The following CAMK4 variants were observed in gnomAD, a reference collection of about 807,000 sequenced individuals.
The protein encoded by CAMK4 is calcium/calmodulin-dependent protein kinase type IV.
CAMK4 carries 22 observed loss-of-function variants against 44.9 expected under a neutral mutation model. That is an observed-to-expected ratio of 0.49 (90% CI 0.35 to 0.70). The LOEUF (loss-of-function observed/expected upper bound fraction) is 0.70, where lower values mean the gene tolerates loss of function less well. CAMK4 is among the 30% of genes least tolerant of loss of function. CAMK4 has a pLI of 0.01. For missense variants in CAMK4, 498 were observed against 586.8 expected (o/e 0.85, Z 1.56); for synonymous variants, 218 against 215.4 (o/e 1.01, Z -0.11).
intron 7 of CAMK4, among the ~76,000 whole-genome samples, chr5:111,467,149 A>G (rs928135744): frequency 6.6e-6 from 1 of 152,174 alleles, no homozygotes; most frequent in African/African-American, 2.4e-5. Flanking sequence ...TATGAATGAA[A>G]CTGGATCCTC....
At chr5:111,476,270 TTTGTGTGTGTG>T (rs1755238230) in intron 8 of CAMK4, among the ~76,000 whole-genome samples, 1 of 135,576 alleles carries the variant, frequency 7.4e-6, no homozygotes, top group Non-Finnish European at 1.6e-5. Context: ...TGTGTGTGTG[TTTGTGTGTGTG>T]TGTGTGTGTG....
At chr5:111,293,187 A>G (rs1747344152) in intron 1 of CAMK4, among the ~76,000 whole-genome samples, 1 of 152,188 alleles carries the variant, frequency 6.6e-6, no homozygotes, top group African/African-American at 2.4e-5. Context: ...ATTCCCTGCT[A>G]CAAACACGTA....
chr5:111,413,248 A>T (rs950403125), intron 5 of CAMK4, among the ~76,000 whole-genome samples: 8 of 152,176 alleles, frequency 5.3e-5, no homozygotes, highest in African/African-American at 1.9e-4. Context: ...AAATGGGGAA[A>T]TTGTCATATA....
chr5:111,247,497 T>C (rs910148379), intron 1 of CAMK4, among the ~76,000 whole-genome samples: 1 of 149,300 alleles, frequency 6.7e-6, no homozygotes, highest in Non-Finnish European at 1.5e-5. Flanking sequence ...TGATTATAAA[T>C]ATAACCTTAT....
At chr5:111,461,848 G>T (rs1052956404) in intron 7 of CAMK4, among the ~76,000 whole-genome samples, 1 of 140,456 alleles carries the variant, frequency 7.1e-6, no homozygotes, top group Non-Finnish European at 1.5e-5. Flanking sequence ...CCCAGCATTT[G>T]CCCCTAGCTC....
chr5:111,380,725 A>G (rs1751382891), intron 4 of CAMK4, among the ~76,000 whole-genome samples: 1 of 152,160 alleles, frequency 6.6e-6, no homozygotes, highest in South Asian at 2.1e-4. Flanking sequence ...TTGCCTGTTT[A>G]GGCTTGTTCC....
chr5:111,336,203 AG>A (rs1260429246), intron 1 of CAMK4, among the ~76,000 whole-genome samples: 1 of 151,196 alleles, frequency 6.6e-6, no homozygotes, highest in African/African-American at 2.4e-5. Flanking sequence ...TATTTTTTTC[AG>A]TTGAATGACT....
intron 4 of CAMK4, among the ~76,000 whole-genome samples, chr5:111,393,144 A>G (rs984658372): frequency 4.6e-5 from 7 of 152,210 alleles, no homozygotes; most frequent in Admixed American, 4.6e-4. Flanking sequence ...AGCAGCAATG[A>G]TAGATTTTAC....
chr5:111,346,783 T>G (rs925207698), intron 2 of CAMK4, among the ~76,000 whole-genome samples: 3 of 151,704 alleles, frequency 2.0e-5, no homozygotes, highest in African/African-American at 7.3e-5. Flanking sequence ...TGCCTCCAAT[T>G]GTTACTAAAC....
chr5:111,336,850 T>TA (rs1190739745), intron 1 of CAMK4, among the ~76,000 whole-genome samples: 1 of 151,120 alleles, frequency 6.6e-6, no homozygotes, highest in Non-Finnish European at 1.5e-5. Flanking sequence ...TTTCACCACT[T>TA]ACTGTTAAAT....
chr5:111,346,304 T>G (rs1749860711), intron 2 of CAMK4, among the ~76,000 whole-genome samples: 1 of 151,982 alleles, frequency 6.6e-6, no homozygotes, highest in South Asian at 2.1e-4. Flanking sequence ...TGTAATCTAT[T>G]AAGCTCAACC....
At chr5:111,323,139 C>T (rs757053782) in intron 1 of CAMK4, among the ~76,000 whole-genome samples, 1 of 151,950 alleles carries the variant, frequency 6.6e-6, no homozygotes, top group African/African-American at 2.4e-5. Flanking sequence ...ATTACAGATT[C>T]AAGAGGCTTA....
chr5:111,300,748 G>C (rs983449396), intron 1 of CAMK4, among the ~76,000 whole-genome samples: 1 of 152,100 alleles, frequency 6.6e-6, no homozygotes, highest in Admixed American at 6.5e-5. Flanking sequence ...TTATAAAAAA[G>C]TATGGAATTG....
chr5:111,363,366 G>A lies in CAMK4; in HGVS notation c.241-11484G>A, dbSNP rs1750671519. ...TTTTTCTTTGAGCTGCCAGCATTTT[G>A]TATTCAATCACCAGCCTCCATACCT... On this transcript the variant is annotated intron_variant, in intron 2 of 10. Coordinates refer to ENST00000282356, the MANE Select transcript of CAMK4 (RefSeq NM_001744.6). 2.0e-5 allele frequency among the ~76,000 whole-genome samples: 3 copies of A among 152,092 alleles called. No individual in the cohort carries two copies. In the South Asian group the frequency reaches 6.2e-4, roughly 32 times the overall value.
At chr5:111,348,083 C>T (rs1398035176) in intron 2 of CAMK4, among the ~76,000 whole-genome samples, 1 of 151,938 alleles carries the variant, frequency 6.6e-6, no homozygotes, top group African/African-American at 2.4e-5. Context: ...TTTTTGATAA[C>T]ATGAATCTTC....
chr5:111,346,924 C>A (rs1749897334), intron 2 of CAMK4, among the ~76,000 whole-genome samples: 1 of 151,938 alleles, frequency 6.6e-6, no homozygotes, highest in African/African-American at 2.4e-5. Flanking sequence ...TCAGGCAACT[C>A]ACGCTTAAGA....
chr5:111,470,640 A>T (rs187807974), intron 7 of CAMK4, among the ~76,000 whole-genome samples: 39 of 152,360 alleles, frequency 2.6e-4, no homozygotes, highest in Non-Finnish European at 5.3e-4. Context: ...TTTTTACATT[A>T]TTAACTGAAA....
At chr5:111,379,801 G>T (rs541928184) in intron 4 of CAMK4, among the ~76,000 whole-genome samples, 7 of 151,986 alleles carry the variant, frequency 4.6e-5, no homozygotes, top group African/African-American at 1.7e-4. Flanking sequence ...ACTCAAAAAG[G>T]TTGTATTTAA....
chr5:111,426,028 C>T (rs758324597), intron 5 of CAMK4, among the ~76,000 whole-genome samples: 3 of 151,952 alleles, frequency 2.0e-5, no homozygotes, highest in Non-Finnish European at 4.4e-5. Flanking sequence ...TCCTTGAAAT[C>T]ATTAATATAT....
Sources: allele counts gnomAD v4.1 joint callset (sites outside exome capture counted in the v4.1 genomes callset), GRCh38; gene constraint gnomAD v4.1.1; transcripts MANE v1.5; gene names NCBI Gene and HGNC (gene_info 2026-07-23, HGNC 2026-07-21).